OTUD3: variants seen among roughly 807,000 people sequenced by gnomAD.
OTUD3 encodes OTU deubiquitinase 3.
A neutral mutation model predicts 46.2 loss-of-function variants in OTUD3; 24 were observed. The observed-to-expected ratio is 0.52, with a 90% CI of 0.38 to 0.73. The LOEUF (loss-of-function observed/expected upper bound fraction) is 0.73. OTUD3 is among the 30% of genes least tolerant of loss of function. The probability of loss-of-function intolerance (pLI) is 0.00; values close to 1 mark genes in which losing one functional copy is unlikely to be tolerated. For missense variants in OTUD3, 455 were observed against 523.3 expected (o/e 0.87, Z 1.27); for synonymous variants, 189 against 195.4 (o/e 0.97, Z 0.27).
chr1:19,891,238 A>C (rs1351545397), intron 2 of OTUD3, among the ~76,000 whole-genome samples: 2 of 152,262 alleles, frequency 1.3e-5, no homozygotes, highest in Admixed American at 6.5e-5. Flanking sequence ...GTTCCTATTT[A>C]ATAGGCATAG....
intron 4 of OTUD3, among the ~76,000 whole-genome samples, chr1:19,901,577 G>A (rs549895951): frequency 6.6e-6 from 1 of 152,266 alleles, no homozygotes; most frequent in South Asian, 2.1e-4. Flanking sequence ...GTGGTACTCA[G>A]TACATCTGCA....
chr1:19,902,496 C>T (rs889775857), intron 4 of OTUD3, among the ~76,000 whole-genome samples: 5 of 152,202 alleles, frequency 3.3e-5, no homozygotes, highest in African/African-American at 9.6e-5. Flanking sequence ...TGAGCCACCA[C>T]GCCCGGCCAG....
intron 1 of OTUD3, among the ~76,000 whole-genome samples, chr1:19,889,225 T>C (rs1306072787): frequency 1.3e-5 from 2 of 152,142 alleles, no homozygotes; most frequent in East Asian, 1.9e-4. Context: ...GAATCTTGTC[T>C]TAGATTGTTG....
chr1:19,882,468 G>A lies in OTUD3; in HGVS notation c.-46G>A, dbSNP rs1322020326. 1.3e-5 allele frequency: 17 copies of A among 1,339,212 alleles called. No homozygotes were observed. In the East Asian group the frequency reaches 4.9e-4, roughly 39 times the overall value. The allele number at this position is 1,339,212 out of a possible 1,614,324, so 83.0% of individuals were successfully genotyped here. A position where few individuals can be genotyped will look rare whatever the true frequency, so the allele number is the denominator to read the frequency against. Reference sequence around the variant, plus strand: ...CAACGCTTGAGGCGGACGCTGGGGGGTCCTGCGCCTTTCCCTCCTGCCGCT... The same window carrying A: ...CAACGCTTGAGGCGGACGCTGGGGGATCCTGCGCCTTTCCCTCCTGCCGCT... On this transcript the variant is annotated 5_prime_UTR_variant, in exon 1 of 8. Coordinates refer to ENST00000375120, the MANE Select transcript of OTUD3 (RefSeq NM_015207.2).
intron 4 of OTUD3, among the ~76,000 whole-genome samples, chr1:19,903,180 TG>T (rs1425413031): frequency 6.6e-6 from 1 of 151,304 alleles, no homozygotes; most frequent in Non-Finnish European, 1.5e-5. Context: ...CCTGAATAGC[TG>T]GGACTACAGG....
At chr1:19,897,435 A>G in intron 3 of OTUD3, 105 bp from the exon 4 acceptor site, 1 of 1,202,696 alleles carries the variant, frequency 8.3e-7, no homozygotes, top group South Asian at 1.4e-5. Context: ...TTAGTGTCTC[A>G]TAGACCTGCT....
At chr1:19,893,777 T>G (rs550336412) in intron 2 of OTUD3, among the ~76,000 whole-genome samples, 112 of 152,350 alleles carry the variant, frequency 7.4e-4, no homozygotes, top group Non-Finnish European at 8.8e-5. Flanking sequence ...ATGCCCTTCC[T>G]GAAGTACTTG....
At chr1:19,887,248 C>G (rs1312423179) in intron 1 of OTUD3, among the ~76,000 whole-genome samples, 1 of 152,070 alleles carries the variant, frequency 6.6e-6, no homozygotes, top group Non-Finnish European at 1.5e-5. Flanking sequence ...CCATACCTGG[C>G]TAATTTTGTA....
At chr1:19,892,750 G>C (rs943293344) in intron 2 of OTUD3, among the ~76,000 whole-genome samples, 4 of 152,040 alleles carry the variant, frequency 2.6e-5, no homozygotes, top group Admixed American at 2.6e-4. Context: ...CATACTGTTC[G>C]GTATCATTGT....
chr1:19,902,714 A>C (rs1480145405), intron 4 of OTUD3, among the ~76,000 whole-genome samples: 1 of 151,998 alleles, frequency 6.6e-6, no homozygotes, highest in East Asian at 1.9e-4. Flanking sequence ...ATTTGCTGTA[A>C]TTTTTTTGGT....
At chr1:19,901,189 C>T (rs1295876165) in intron 4 of OTUD3, among the ~76,000 whole-genome samples, 2 of 152,100 alleles carry the variant, frequency 1.3e-5, no homozygotes, top group Admixed American at 6.5e-5. Flanking sequence ...GGGTTACAGG[C>T]GTGAGCCACC....
At chr1:19,900,904 GTTTTTTTTTTTGTTT>G (rs2045578714) in intron 4 of OTUD3, among the ~76,000 whole-genome samples, 1 of 129,950 alleles carries the variant, frequency 7.7e-6, no homozygotes, top group East Asian at 2.2e-4. Flanking sequence ...TCCTATTGAG[GTTTTTTTTTTTGTTT>G]TTTTTTTTTT....
Position 19,882,592 on chromosome 1 carries a change from C to G in OTUD3, c.79C>G (p.Arg27Gly). 1.4e-6 allele frequency: 2 copies of G among 1,418,954 alleles called. No homozygotes were observed. The highest frequency in any genetic ancestry group is 1.8e-6 in the Non-Finnish European group (2 of 1,090,572). The allele number at this position is 1,418,954 out of a possible 1,614,324, so 87.9% of individuals were successfully genotyped here. A position where few individuals can be genotyped will look rare whatever the true frequency, so the allele number is the denominator to read the frequency against. The part of the protein sequence containing the change: ...KAEAERKRDE[R>G]AARRALAKER... ...CGAGGCCGAGCGCAAGCGGGACGAG[C>G]GGGCGGCGCGCCGGGCCCTGGCCAA... The change falls in exon 1 of 8, where the codon CGG becomes GGG. Residue 27 changes from arginine (R) to glycine (G), a missense_variant. Coordinates refer to ENST00000375120, the MANE Select transcript of OTUD3 (RefSeq NM_015207.2).
chr1:19,895,723 A>G (rs1423799907), intron 3 of OTUD3, among the ~76,000 whole-genome samples: 1 of 152,160 alleles, frequency 6.6e-6, no homozygotes, highest in Non-Finnish European at 1.5e-5. Flanking sequence ...CATATTTTCC[A>G]TGGGGTTCTG....
Position 19,882,519 on chromosome 1 carries a change from C to A in OTUD3, c.6C>A (p.Ser2=). 7.4e-7 allele frequency: 1 copy of A among 1,347,992 alleles called. No individual in the cohort carries two copies. The highest frequency in any genetic ancestry group is 1.5e-5 in the African/African-American group (1 of 65,434). The allele number at this position is 1,347,992 out of a possible 1,614,324, so 83.5% of individuals were successfully genotyped here. M[S]RKQAAKSRPG... is the part of the protein sequence containing the mutation. ...GGGGACTGCAGGCTAAGGCCATGTC[C>A]CGAAAGCAGGCGGCGAAGAGCCGGC... Residue 2 remains serine, a synonymous_variant, in exon 1 of 8, where the codon TCC becomes TCA. Coordinates refer to ENST00000375120, the MANE Select transcript of OTUD3 (RefSeq NM_015207.2).
chr1:19,885,815 A>G (rs765369928), intron 1 of OTUD3, among the ~76,000 whole-genome samples: 17 of 152,210 alleles, frequency 1.1e-4, no homozygotes, highest in Non-Finnish European at 1.6e-4. Flanking sequence ...GTTAAAGACT[A>G]TTAAAAAATA....
At chr1:19,902,848 T>TA (rs2045609231) in intron 4 of OTUD3, among the ~76,000 whole-genome samples, 4 of 152,248 alleles carry the variant, frequency 2.6e-5, no homozygotes, top group South Asian at 4.1e-4. Flanking sequence ...CTTTGGCTGT[T>TA]ACCTCCAAAA....
At chr1:19,884,309 G>A (rs1049476879) in intron 1 of OTUD3, among the ~76,000 whole-genome samples, 1 of 152,168 alleles carries the variant, frequency 6.6e-6, no homozygotes, top group African/African-American at 2.4e-5. Context: ...TTAGCACAGG[G>A]AGTTGTAAAC....
Position 19,897,631 on chromosome 1 carries a change from A to G in OTUD3, c.575A>G (p.Asn192Ser), listed in dbSNP as rs2045534896. 1 of 1,613,754 alleles carries G rather than the reference A, an allele frequency of 6.2e-7. No individual in the cohort carries two copies. Among genetic ancestry groups the G allele is most frequent in the African/African-American group, 1.3e-5 (1 of 74,860 alleles). Residue 192 changes from asparagine (N) to serine (S), a missense_variant, in exon 4 of 8, where the codon AAC becomes AGC. Physicochemically the swap from Asn to Ser is conservative, Grantham distance 46. Transcript: ENST00000375120. ...GACAGTGTTCGGAGGATCAATGACA[A>G]CTCAGAGGCACCTGCACATCTCCAG... ...HYDSVRRINDNSEAPAHLQTD... is the reference protein window; with the variant it reads ...HYDSVRRINDSSEAPAHLQTD...
Sources: allele counts gnomAD v4.1 joint callset (sites outside exome capture counted in the v4.1 genomes callset), GRCh38; gene constraint gnomAD v4.1.1; transcripts MANE v1.5; gene names NCBI Gene and HGNC (gene_info 2026-07-23, HGNC 2026-07-21).